CD4: variants seen among roughly 807,000 people sequenced by gnomAD.
The protein encoded by CD4 is CD4 molecule.
In CD4, 25 loss-of-function variants were observed where a neutral mutation model predicts 50.5. The ratio of observed to expected loss-of-function variants is 0.49; its 90% CI spans 0.36 to 0.69. The LOEUF (loss-of-function observed/expected upper bound fraction) is 0.69, where lower values mean the gene tolerates loss of function less well. CD4 is among the 30% of genes least tolerant of loss of function. CD4 has a pLI of 0.00. For synonymous variants in CD4, 207 were observed against 221.9 expected (o/e 0.93, Z 0.60); for missense variants, 456 against 548.5 (o/e 0.83, Z 1.68).
In CD4 at chr12:6,818,601, G is replaced by A; in HGVS notation, c.1278+59G>A. ...CTCAAACCCCTGAGTCCTCTACCAG[G>A]AGATCCTGTATATGGGAACTGATTT... On this transcript the variant is annotated intron_variant, in intron 8 of 9. Coordinates refer to ENST00000011653, the MANE Select transcript of CD4 (RefSeq NM_000616.5). This position sits in a 1 kb window ranked among gnomAD's most constrained non-coding sequence, Gnocchi z 5.0. The A allele has an allele frequency of 6.2e-7, 1 of 1,605,372 alleles. No homozygotes were observed. Among genetic ancestry groups the A allele is most frequent in the South Asian group, 1.1e-5 (1 of 90,564 alleles).
Position 6,818,109 on chromosome 12 carries a change from C to G in CD4, c.1157-312C>G, listed in dbSNP as rs1565502603. Among the ~76,000 whole-genome samples, 1 of 150,370 alleles carries G rather than the reference C, an allele frequency of 6.7e-6. No homozygotes were observed. Among genetic ancestry groups the G allele is most frequent in the Non-Finnish European group, 1.5e-5 (1 of 67,526 alleles). On this transcript the variant is annotated intron_variant, in intron 7 of 9. Coordinates refer to ENST00000011653, the MANE Select transcript of CD4 (RefSeq NM_000616.5). This position sits in a 1 kb window ranked among gnomAD's most constrained non-coding sequence, Gnocchi z 5.0. ...TCACACGCGCACACGCGCGCACACA[C>G]ACACATTCACACCATTCACACACGC... is the stretch of plus-strand genomic sequence containing the variant.
chr12:6,803,198 T>G (rs1481227689), intron 3 of CD4, among the ~76,000 whole-genome samples: 2 of 152,118 alleles, frequency 1.3e-5, no homozygotes, highest in African/African-American at 4.8e-5. Flanking sequence ...ACGCCTAGGC[T>G]GGAGTGCAGT....
intron 1 of CD4, chr12:6,799,163 A>C (rs1395294446): frequency 1.3e-5 from 2 of 152,246 alleles, no homozygotes; most frequent in Non-Finnish European, 2.9e-5. Context: ...TGGTGCCGCA[A>C]ACAAAAAATT....
chr12:6,819,215 C>A, intron 9 of CD4, 84 bp from the exon 10 acceptor site: 1 of 1,355,974 alleles, frequency 7.4e-7, no homozygotes, highest in Non-Finnish European at 1.1e-6. Flanking sequence ...AGCTGTGCTG[C>A]GCTGGAAAGG....
intron 1 of CD4, among the ~76,000 whole-genome samples, chr12:6,793,704 C>T (rs200358400): frequency 0.28 from 8,756 of 30,834 alleles, 1,024 homozygotes; most frequent in African/African-American, 0.45. Context: ...ATCTATCTAT[C>T]TTTTTTTTTT....
intron 3 of CD4, among the ~76,000 whole-genome samples, chr12:6,804,524 A>G (rs4963523): frequency 0.46 from 70,119 of 152,062 alleles, 17,013 homozygotes; most frequent in Middle Eastern, 0.61. Context: ...TTGTATTTCT[A>G]TATATTAGCA....
rs1942432246 is a variant in CD4, at chr12:6,798,256, G to A, written c.-67-1816G>A. ...GCGATCTCGGCTCACTGCCACCTCT[G>A]CCTCCCGGGTTCACGCCATTCTCCT... is the stretch of plus-strand genomic sequence containing the variant. On this transcript the variant is annotated intron_variant, in intron 1 of 9. Coordinates refer to ENST00000011653, the MANE Select transcript of CD4 (RefSeq NM_000616.5). 2.3e-5 allele frequency among the ~76,000 whole-genome samples: 2 copies of A among 85,550 alleles called. 1 individual carries two copies. Among genetic ancestry groups the A allele is most frequent in the African/African-American group, 8.5e-5 (2 of 23,394 alleles). 56.1% of individuals were successfully genotyped at this position (85,550 alleles called of 152,430 possible). A position where few individuals can be genotyped will look rare whatever the true frequency, so the allele number is the denominator to read the frequency against.
rs547534335 is a variant in CD4, at chr12:6,808,192, CGCCTGTAATCCCAG to C, written c.215-5949_215-5936del. On this transcript the variant is annotated intron_variant, in intron 3 of 9. Coordinates refer to ENST00000011653, the MANE Select transcript of CD4 (RefSeq NM_000616.5). ...AAGATTGGCCAGGCGCAGTGGCTCA[CGCCTGTAATCCCAG>C]CACTTTGGGAGGCCAAGGCGGGTGG... 8.5e-3 allele frequency among the ~76,000 whole-genome samples: 1,287 copies of C among 151,282 alleles called. 57 individuals are homozygous for C. The highest frequency in any genetic ancestry group is 0.077 in the Admixed American group (1,163 of 15,168).
chr12:6,815,800 AG>A, intron 5 of CD4: 2 of 1,452,876 alleles, frequency 1.4e-6, no homozygotes, highest in South Asian at 2.4e-5. Context: ...AAGGACAGCA[AG>A]GATCCCCTGT....
In CD4 at chr12:6,816,023, C is replaced by A; in HGVS notation, c.608-33C>A. ...CTCGTGCACCCTCATCTTCCTATCT[C>A]CTCACCCAGGGTCTCTCCCTTCCCA... On this transcript the variant is annotated intron_variant, in intron 5 of 9. Coordinates refer to ENST00000011653, the MANE Select transcript of CD4 (RefSeq NM_000616.5). This position sits in a 1 kb window ranked among gnomAD's most constrained non-coding sequence, Gnocchi z 4.9. The A allele has an allele frequency of 6.2e-7, 1 of 1,613,292 alleles. No individual in the cohort carries two copies.
chr12:6,816,491 A>G lies in CD4; in HGVS notation c.955+88A>G, dbSNP rs782368616. ...TCCCTCTGAGGCAAGCCAGGCCCCAAGAGGGGATGCCTAGGCCCTGGTCAC... is the reference window on the plus strand; with the variant it reads ...TCCCTCTGAGGCAAGCCAGGCCCCAGGAGGGGATGCCTAGGCCCTGGTCAC... On this transcript the variant is annotated intron_variant, in intron 6 of 9. Coordinates refer to ENST00000011653, the MANE Select transcript of CD4 (RefSeq NM_000616.5). The surrounding 1 kb of genome is among the most constrained non-coding windows in gnomAD (Gnocchi z 4.9). 8.2e-5 allele frequency: 90 copies of G among 1,101,940 alleles called. 1 individual carries two copies. The South Asian group carries it at 1.4e-3, about 17-fold the overall frequency. 68.3% of individuals were successfully genotyped at this position (1,101,940 alleles called of 1,614,324 possible).
At chr12:6,815,248 G>A (rs927249123) in intron 5 of CD4, among the ~76,000 whole-genome samples, 2 of 152,112 alleles carry the variant, frequency 1.3e-5, no homozygotes, top group Admixed American at 6.5e-5. Flanking sequence ...CTAGAGGCCC[G>A]AGTCTCCTTT....
At chr12:6,814,355 A>G in intron 4 of CD4, 55 bp downstream of exon 4, 2 of 1,559,138 alleles carry the variant, frequency 1.3e-6, no homozygotes, top group Non-Finnish European at 1.7e-6. Flanking sequence ...CTTCCCCACT[A>G]CTCCCACCCC....
At position 6,792,663 on chromosome 12, in the gene CD4, G is replaced by T. The variant is rs538082616; in HGVS notation, c.-68+3001G>T. Among the ~76,000 whole-genome samples the T allele has an allele frequency of 1.1e-3, 168 of 152,274 alleles. 1 individual carries two copies. Among genetic ancestry groups the T allele is most frequent in the African/African-American group, 3.8e-3 (159 of 41,546 alleles). ...TCCACCCTGGGCTGCAGGCGTGCTC[G>T]GCAGGCTCCCCACAGATCAAAGCTT... On this transcript the variant is annotated intron_variant, in intron 1 of 9. Transcript: ENST00000011653. This position sits in a 1 kb window ranked among gnomAD's most constrained non-coding sequence, Gnocchi z 4.1.
At chr12:6,798,473 A>ACAGAGTCTTGCTCTGTCGCCCAGGCT (rs1286084112) in intron 1 of CD4, among the ~76,000 whole-genome samples, 11,487 of 108,004 alleles carry the variant, frequency 0.11, 1,082 homozygotes, top group Middle Eastern at 0.18. Context: ...ACTTTTTAAA[A>ACAGAGTCTTGCTCTGTCGCCCAGGCT]GTGCATCTTG....
At chr12:6,803,676 C>T (rs11064400) in intron 3 of CD4, among the ~76,000 whole-genome samples, 151,202 of 151,208 alleles carry the variant, frequency 1, 75,598 homozygotes, top group East Asian at 1. Context: ...TCCCAGCTAT[C>T]CAGGAGGCTG....
rs1555115041 is a variant in CD4, at chr12:6,800,339, G to A, written c.82G>A (p.Val28Met). ...LLPAATQGKK[V>M]VLGKKGDTVE... ...CCCAGCAGCCACTCAGGGAAAGAAA[G>A]TGGTGCTGGGCAAAAAAGGGGATAC... The change falls in exon 3 of 10, where the codon GTG becomes ATG. Residue 28 changes from valine (V) to methionine (M), a missense_variant. Val to Met is a conservative substitution (Grantham distance 21). Coordinates refer to ENST00000011653, the MANE Select transcript of CD4 (RefSeq NM_000616.5). 1 of 1,613,942 alleles carries A rather than the reference G, an allele frequency of 6.2e-7. No individual in the cohort carries two copies. The highest frequency in any genetic ancestry group is 8.5e-7 in the Non-Finnish European group (1 of 1,180,006).
intron 3 of CD4, among the ~76,000 whole-genome samples, chr12:6,807,021 G>C (rs1478671569): frequency 1.3e-5 from 2 of 152,072 alleles, no homozygotes; most frequent in African/African-American, 2.4e-5. Context: ...CAAAAAATTA[G>C]CCGGGCGTGG....
At chr12:6,790,989 G>A (rs1461885054) in intron 1 of CD4, among the ~76,000 whole-genome samples, 1 of 152,212 alleles carries the variant, frequency 6.6e-6, no homozygotes, top group Non-Finnish European at 1.5e-5. Flanking sequence ...AGATGCTGTA[G>A]GCTGATACAA....
Sources: gnomAD v4.1 joint callset for allele counts (sites outside exome capture counted in the v4.1 genomes callset) on GRCh38, gnomAD v4.1.1 for gene constraint, Gnocchi (gnomAD v3.1) non-coding constraint, MANE v1.5 for transcripts, NCBI Gene and HGNC (gene_info 2026-07-23, HGNC 2026-07-21) for gene names.